Variants in EML5 observed in about 807,000 individuals in gnomAD.
EML5 encodes EMAP like 5.
Under a neutral mutation model 250.0 loss-of-function variants are expected in EML5, and 120 were observed. The ratio of observed to expected loss-of-function variants is 0.48; its 90% confidence interval spans 0.41 to 0.56. EML5 has a LOEUF of 0.56. EML5 is among the 20% of genes least tolerant of loss of function. EML5 has a pLI of 0.00. For synonymous variants in EML5, 771 were observed against 806.5 expected (o/e 0.96, Z 0.75); for missense variants, 2,006 against 2,437.6 (o/e 0.82, Z 3.73).
intron 33 of EML5, among the ~76,000 whole-genome samples, chr14:88,628,200 A>G (rs2090165253): frequency 6.6e-6 from 1 of 152,164 alleles, no homozygotes; most frequent in Admixed American, 6.6e-5. Context: ...TAAATATTAA[A>G]CACCAAGTAT....
At chr14:88,708,924 T>C (rs547719000) in intron 10 of EML5, among the ~76,000 whole-genome samples, 1 of 152,088 alleles carries the variant, frequency 6.6e-6, no homozygotes, top group Non-Finnish European at 1.5e-5. Context: ...CAAACTATAA[T>C]GATCATAGAA....
intron 33 of EML5, among the ~76,000 whole-genome samples, chr14:88,629,162 C>A (rs2140446735): frequency 6.6e-6 from 1 of 152,030 alleles, no homozygotes; most frequent in Admixed American, 6.6e-5. Context: ...TATATGTTTA[C>A]AAAATGCACC....
At chr14:88,755,974 C>A (rs1317035878) in intron 1 of EML5, among the ~76,000 whole-genome samples, 1 of 152,166 alleles carries the variant, frequency 6.6e-6, no homozygotes, top group African/African-American at 2.4e-5. Context: ...TATGACTGCA[C>A]CACTGCATTC....
intron 30 of EML5, 69 bp from the exon 31 acceptor site, chr14:88,643,091 T>C (rs1368317330): frequency 2.9e-6 from 4 of 1,393,186 alleles, no homozygotes; most frequent in African/African-American, 3.0e-5. Context: ...TTTTGTTGTA[T>C]ACGTAATACT....
intron 31 of EML5, 95 bp downstream of exon 31, chr14:88,642,798 T>C: frequency 1.7e-6 from 2 of 1,175,490 alleles, no homozygotes; most frequent in Non-Finnish European, 2.4e-6. Context: ...ACATTTCAAT[T>C]ACTATTTATA....
intron 21 of EML5, among the ~76,000 whole-genome samples, chr14:88,681,330 G>T (rs1384438824): frequency 6.6e-6 from 1 of 152,206 alleles, no homozygotes; most frequent in Non-Finnish European, 1.5e-5. Flanking sequence ...CTTGGAATTG[G>T]CCGGGGGCCG....
Position 88,622,166 on chromosome 14 carries a change from G to A in EML5, c.5013+438C>T, listed in dbSNP as rs553161944. The stretch of plus-strand genomic sequence containing the variant: ...CCTGGCTTATTTCACTTCACATCAT[G>A]TCCTCCAGTCTCATCCATGTTGCCA... On this transcript the variant is annotated intron_variant, in intron 37 of 43. Transcript: ENST00000554922. 3.7e-4 allele frequency: 67 copies of A among 179,462 alleles called. No homozygotes were observed. In the South Asian group the frequency reaches 8.0e-3, roughly 21 times the overall value. The allele number at this position is 179,462 out of a possible 1,614,324, so 11.1% of individuals were successfully genotyped here. A position where few individuals can be genotyped will look rare whatever the true frequency, so the allele number is the denominator to read the frequency against.
chr14:88,681,769 GAATA>G, intron 21 of EML5, 117 bp downstream of exon 21: 1 of 1,147,196 alleles, frequency 8.7e-7, no homozygotes, highest in South Asian at 2.1e-5. Context: ...AGTAGACATT[GAATA>G]AATATTTCAA....
chr14:88,627,089 A>G (rs907491135), intron 34 of EML5, 43 bp from the exon 35 acceptor site: 1 of 1,588,152 alleles, frequency 6.3e-7, no homozygotes, highest in Non-Finnish European at 8.6e-7. Context: ...TACAAGAACC[A>G]AGCTAATCAA....
intron 2 of EML5, among the ~76,000 whole-genome samples, chr14:88,753,493 C>A (rs1476178246): frequency 6.6e-6 from 1 of 152,110 alleles, no homozygotes; most frequent in Non-Finnish European, 1.5e-5. Context: ...AAGCAGATAA[C>A]TAAAATTGTT....
intron 1 of EML5, among the ~76,000 whole-genome samples, chr14:88,762,007 T>G (rs994964142): frequency 1.3e-5 from 2 of 152,214 alleles, no homozygotes; most frequent in African/African-American, 4.8e-5. Context: ...AAGTGTCAGT[T>G]CATATCCTTA....
At chr14:88,647,333 A>G (rs1423615055) in intron 28 of EML5, among the ~76,000 whole-genome samples, 2 of 152,088 alleles carry the variant, frequency 1.3e-5, no homozygotes, top group Non-Finnish European at 2.9e-5. Flanking sequence ...GCGCCACTGC[A>G]CTGCAGCCTG....
chr14:88,616,487 TGATTATAG>T, intron 42 of EML5: 1 of 601,902 alleles, frequency 1.7e-6, no homozygotes, highest in Non-Finnish European at 2.9e-6. Context: ...ATTTGATAAC[TGATTATAG>T]GTTTGGTGAA....
At chr14:88,767,073 C>T (rs1002709560) in intron 1 of EML5, among the ~76,000 whole-genome samples, 11 of 152,178 alleles carry the variant, frequency 7.2e-5, no homozygotes, top group South Asian at 2.1e-4. Flanking sequence ...CTGAGCACTT[C>T]GAATATTAAG....
chr14:88,774,867 T>C (rs1044934085), intron 1 of EML5, among the ~76,000 whole-genome samples: 1 of 152,252 alleles, frequency 6.6e-6, no homozygotes, highest in Non-Finnish European at 1.5e-5. Flanking sequence ...TAGACATGTA[T>C]GTTCAACAGC....
rs1162283703 is a variant in EML5, at chr14:88,792,744, G to T, written c.-241C>A. On this transcript the variant is annotated 5_prime_UTR_variant, in exon 1 of 44. Coordinates refer to ENST00000554922, the MANE Select transcript of EML5 (RefSeq NM_183387.3). The surrounding 1 kb of genome is among the most constrained non-coding windows in gnomAD (Gnocchi z 6.9). ...CGCGAGCGCCGCCGGCTGTCAAGTG[G>T]ATGCCCAGAGCCCTTCGCCCGCCTC... The T allele has an allele frequency of 4.6e-5, 49 of 1,071,360 alleles. No individual in the cohort carries two copies. Among genetic ancestry groups the T allele is most frequent in the Non-Finnish European group, 5.4e-5 (48 of 886,622 alleles). The allele number at this position is 1,071,360 out of a possible 1,614,324, so 66.4% of individuals were successfully genotyped here. A position where few individuals can be genotyped will look rare whatever the true frequency, so the allele number is the denominator to read the frequency against.
intron 17 of EML5, among the ~76,000 whole-genome samples, chr14:88,693,763 C>CTT (rs71127002): frequency 3.0e-3 from 187 of 62,846 alleles, no homozygotes; most frequent in African/African-American, 3.9e-3. Flanking sequence ...ATGTTAACAT[C>CTT]TTTTTTTTTT....
chr14:88,754,486 GAA>G, intron 2 of EML5, 24 bp downstream of exon 2: 1 of 1,556,412 alleles, frequency 6.4e-7, no homozygotes, highest in East Asian at 2.3e-5. Flanking sequence ...ATACAATTTA[GAA>G]AAAAATGAAA....
rs142192772 is a variant in EML5 at position 88,680,981 on chromosome 14, A to G, written c.3124+909T>C. 2.9e-3 allele frequency among the ~76,000 whole-genome samples: 437 copies of G among 152,336 alleles called. 2 individuals carry two copies. The highest frequency in any genetic ancestry group is 0.01 in the African/African-American group (423 of 41,592). On this transcript the variant is annotated intron_variant, in intron 21 of 43. Transcript: ENST00000554922. ...GGTAAGAAAAACACAGCAAAATGAG[A>G]TCCTTGGAGACAATTAGATTTTATA...
Sources: gnomAD v4.1 joint callset for allele counts (sites outside exome capture counted in the v4.1 genomes callset) on GRCh38, gnomAD v4.1.1 for gene constraint, Gnocchi (gnomAD v3.1) non-coding constraint, MANE v1.5 for transcripts, NCBI Gene and HGNC (gene_info 2026-07-23, HGNC 2026-07-21) for gene names.